The following ARHGAP20 variants were observed in gnomAD, a reference collection of about 807,000 sequenced individuals.
ARHGAP20 encodes the protein Rho GTPase activating protein 20.
A neutral mutation model predicts 73.7 loss-of-function variants in ARHGAP20; 34 were observed. That is an observed-to-expected ratio of 0.46 (90% CI 0.35 to 0.61). The LOEUF is 0.61. ARHGAP20 is among the 20% of genes least tolerant of loss of function. ARHGAP20 has a pLI of 0.00. For missense variants in ARHGAP20, 1,314 were observed against 1,420.9 expected (o/e 0.92, Z 1.21); for synonymous variants, 523 against 518.2 (o/e 1.01, Z -0.13).
At chr11:110,694,301 T>C (rs2135125464) in intron 1 of ARHGAP20, among the ~76,000 whole-genome samples, 1 of 151,936 alleles carries the variant, frequency 6.6e-6, no homozygotes, top group South Asian at 2.1e-4. Flanking sequence ...GGCCTTTTAT[T>C]AGGAAAGTAT....
intron 3 of ARHGAP20, among the ~76,000 whole-genome samples, chr11:110,626,639 T>A (rs895906301): frequency 6.6e-6 from 1 of 152,200 alleles, no homozygotes; most frequent in Non-Finnish European, 1.5e-5. Flanking sequence ...TAGGCATCTA[T>A]AAAAAGTCTT....
intron 2 of ARHGAP20, among the ~76,000 whole-genome samples, chr11:110,662,392 T>C (rs971677963): frequency 3.3e-5 from 5 of 151,944 alleles, no homozygotes; most frequent in African/African-American, 1.2e-4. Context: ...GTTGGTAGCA[T>C]AATCACACAT....
intron 2 of ARHGAP20, among the ~76,000 whole-genome samples, chr11:110,654,935 T>C (rs990200564): frequency 2.0e-5 from 3 of 152,198 alleles, no homozygotes; most frequent in Non-Finnish European, 4.4e-5. Flanking sequence ...AGAATACAAT[T>C]AGATTCCAGT....
At chr11:110,696,096 T>C (rs1950330307) in intron 1 of ARHGAP20, among the ~76,000 whole-genome samples, 1 of 151,616 alleles carries the variant, frequency 6.6e-6, no homozygotes, top group Non-Finnish European at 1.5e-5. Flanking sequence ...ATTTCATTTA[T>C]ATAAAGTGCC....
At chr11:110,601,296 A>C (rs1038074990) in intron 9 of ARHGAP20, among the ~76,000 whole-genome samples, 1 of 152,326 alleles carries the variant, frequency 6.6e-6, no homozygotes, top group East Asian at 1.9e-4. Context: ...ACTATGTGCC[A>C]AAAAAGAAGT....
intron 2 of ARHGAP20, among the ~76,000 whole-genome samples, chr11:110,657,759 G>C (rs1949497854): frequency 6.6e-6 from 1 of 152,068 alleles, no homozygotes; most frequent in South Asian, 2.1e-4. Context: ...GCCCGGTGTG[G>C]TGGCACATGC....
intron 2 of ARHGAP20, among the ~76,000 whole-genome samples, chr11:110,660,026 C>T (rs1949565342): frequency 2.3e-5 from 3 of 130,050 alleles, no homozygotes; most frequent in Non-Finnish European, 4.7e-5. Flanking sequence ...GCACAATGTG[C>T]ACATGTACCC....
intron 2 of ARHGAP20, among the ~76,000 whole-genome samples, chr11:110,660,400 A>G (rs1309225004): frequency 6.6e-6 from 1 of 152,214 alleles, no homozygotes; most frequent in African/African-American, 2.4e-5. Context: ...TACATAAATA[A>G]TAACATGGTA....
At chr11:110,708,948 GCT>G (rs2135160278) in intron 1 of ARHGAP20, among the ~76,000 whole-genome samples, 1 of 152,218 alleles carries the variant, frequency 6.6e-6, no homozygotes, top group South Asian at 2.1e-4. Context: ...CATTTCAAGA[GCT>G]CAATAGCTAC....
chr11:110,680,211 C>A (rs968222321), intron 2 of ARHGAP20, among the ~76,000 whole-genome samples: 1 of 152,106 alleles, frequency 6.6e-6, no homozygotes, highest in Non-Finnish European at 1.5e-5. Context: ...TAAAGTGAGG[C>A]CTGAAGAGGT....
At chr11:110,591,128 A>T (rs1282781422) in intron 10 of ARHGAP20, among the ~76,000 whole-genome samples, 1 of 152,232 alleles carries the variant, frequency 6.6e-6, no homozygotes, top group Non-Finnish European at 1.5e-5. Context: ...ATTCCTAAAA[A>T]TTGCTCAGAG....
At chr11:110,647,123 AG>A (rs1290762979) in intron 2 of ARHGAP20, among the ~76,000 whole-genome samples, 1 of 151,936 alleles carries the variant, frequency 6.6e-6, no homozygotes, top group African/African-American at 2.4e-5. Flanking sequence ...AATATTTCAT[AG>A]GTGGTACTTA....
At chr11:110,635,073 A>C (rs1948937486) in intron 2 of ARHGAP20, among the ~76,000 whole-genome samples, 1 of 152,104 alleles carries the variant, frequency 6.6e-6, no homozygotes, top group South Asian at 2.1e-4. Context: ...TGGCAGCTAT[A>C]AAAAATCAGA....
At chr11:110,591,843 G>T in intron 10 of ARHGAP20, 134 bp downstream of exon 10, 1 of 896,048 alleles carries the variant, frequency 1.1e-6, no homozygotes, top group Non-Finnish European at 1.7e-6. Flanking sequence ...GTTATTTGGA[G>T]GAATAATAGT....
intron 2 of ARHGAP20, among the ~76,000 whole-genome samples, chr11:110,651,803 A>C (rs1949361418): frequency 6.6e-6 from 1 of 152,074 alleles, no homozygotes; most frequent in African/African-American, 2.4e-5. Context: ...GAATTCTACC[A>C]GAGGTACAAA....
chr11:110,590,522 A>C, intron 11 of ARHGAP20, 126 bp downstream of exon 11: 1 of 1,060,296 alleles, frequency 9.4e-7, no homozygotes, highest in South Asian at 2.5e-5. Flanking sequence ...TTTTAGTGTT[A>C]AAAATTATGT....
chr11:110,617,163 C>A (rs1366696610), intron 4 of ARHGAP20, among the ~76,000 whole-genome samples: 1 of 151,942 alleles, frequency 6.6e-6, no homozygotes, highest in Admixed American at 6.6e-5. Context: ...AAAGTATATA[C>A]TATTTTGTGT....
intron 11 of ARHGAP20, among the ~76,000 whole-genome samples, chr11:110,587,453 A>T (rs1565423690): frequency 6.6e-6 from 1 of 152,238 alleles, no homozygotes; most frequent in Non-Finnish European, 1.5e-5. Flanking sequence ...AAGGCAACAC[A>T]CAACTTGCTA....
chr11:110,703,112 T>G (rs1365364599), intron 1 of ARHGAP20, among the ~76,000 whole-genome samples: 1 of 152,146 alleles, frequency 6.6e-6, no homozygotes, highest in Non-Finnish European at 1.5e-5. Flanking sequence ...TTCCTGCTAT[T>G]GTCAGTTTGG....
Sources: gnomAD v4.1 joint callset for allele counts (sites outside exome capture counted in the v4.1 genomes callset) on GRCh38, gnomAD v4.1.1 for gene constraint, MANE v1.5 for transcripts, NCBI Gene and HGNC (gene_info 2026-07-23, HGNC 2026-07-21) for gene names.